GREB1L: variants seen among roughly 807,000 people sequenced by gnomAD.
GREB1L encodes the protein GREB1 like retinoic acid receptor coactivator, also known as GREB1-like protein.
A neutral mutation model predicts 200.8 loss-of-function variants in GREB1L; 17 were observed. That is an observed-to-expected ratio of 0.08 (90% CI 0.06 to 0.13). The LOEUF is 0.13. GREB1L is among the 10% of genes least tolerant of loss of function. The probability of loss-of-function intolerance (pLI) is 1.00; values close to 1 mark genes in which losing one functional copy is unlikely to be tolerated. For missense variants in GREB1L, 1,657 were observed against 2,367.7 expected (o/e 0.70, Z 6.23); for synonymous variants, 789 against 893.0 (o/e 0.88, Z 2.08).
intron 23 of GREB1L, among the ~76,000 whole-genome samples, chr18:21,501,884 G>A (rs1005839232): frequency 1.3e-5 from 2 of 152,316 alleles, no homozygotes; most frequent in African/African-American, 4.8e-5. Context: ...GGAAGCCAGT[G>A]GGCATACCAA....
chr18:21,269,103 G>T, intron 1 of GREB1L, among the ~76,000 whole-genome samples: 1 of 152,258 alleles, frequency 6.6e-6, no homozygotes, highest in African/African-American at 2.4e-5. Context: ...TTATTAATAC[G>T]TGTACTGTAA....
chr18:21,338,857 C>T lies in GREB1L; in HGVS notation c.-119-27170C>T, dbSNP rs138733386. ...TATAAAGGAGAGTGAGGATCATGTC[C>T]GTGGATCAAAAATTATCAGTCTGAG... On this transcript the variant is annotated intron_variant, in intron 1 of 32. Transcript: ENST00000424526. 1.1e-3 allele frequency among the ~76,000 whole-genome samples: 164 copies of T among 152,242 alleles called. No homozygotes were observed. In the Middle Eastern group the frequency reaches 0.014, roughly 13 times the overall value.
intron 21 of GREB1L, among the ~76,000 whole-genome samples, chr18:21,498,872 T>C (rs1372920354): frequency 6.6e-6 from 1 of 152,086 alleles, no homozygotes; most frequent in Admixed American, 6.6e-5. Context: ...TCATTCAGGA[T>C]CTCCCAAGGT....
intron 25 of GREB1L, 61 bp downstream of exon 25, chr18:21,506,010 G>A: frequency 3.4e-6 from 5 of 1,453,918 alleles, no homozygotes; most frequent in Admixed American, 5.0e-5. Flanking sequence ...ATGTAAGGGT[G>A]GGGGGTGGAG....
intron 1 of GREB1L, among the ~76,000 whole-genome samples, chr18:21,309,150 A>C (rs192764158): frequency 1.3e-5 from 2 of 152,218 alleles, no homozygotes; most frequent in South Asian, 4.1e-4. Context: ...AGACTGGGAC[A>C]TTGTCTTTAA....
intron 5 of GREB1L, among the ~76,000 whole-genome samples, chr18:21,400,322 G>A (rs2041266078): frequency 6.6e-6 from 1 of 152,122 alleles, no homozygotes. Context: ...TGATTTGTCT[G>A]AGTGAGGAAT....
At chr18:21,355,978 GCTT>G in intron 1 of GREB1L, among the ~76,000 whole-genome samples, 1 of 146,758 alleles carries the variant, frequency 6.8e-6, no homozygotes, top group South Asian at 2.2e-4. Flanking sequence ...AAATAATTAG[GCTT>G]CTTTTTTTTT....
chr18:21,494,338 T>A (rs2036460884), intron 19 of GREB1L, among the ~76,000 whole-genome samples: 1 of 152,214 alleles, frequency 6.6e-6, no homozygotes, highest in Admixed American at 6.5e-5. Flanking sequence ...TTTTACAAAT[T>A]ATAGAAATTT....
At chr18:21,298,941 G>A (rs181373635) in intron 1 of GREB1L, among the ~76,000 whole-genome samples, 5 of 152,110 alleles carry the variant, frequency 3.3e-5, no homozygotes, top group African/African-American at 1.2e-4. Flanking sequence ...TCTCTGGGGA[G>A]GGGGTTGAGG....
At chr18:21,262,365 C>A (rs2037902863) in intron 1 of GREB1L, among the ~76,000 whole-genome samples, 1 of 152,074 alleles carries the variant, frequency 6.6e-6, no homozygotes, top group Non-Finnish European at 1.5e-5. Context: ...AACTAGAATT[C>A]TTTCTCTGTT....
intron 5 of GREB1L, among the ~76,000 whole-genome samples, chr18:21,397,679 C>G (rs1206660139): frequency 1.3e-5 from 2 of 151,830 alleles, no homozygotes; most frequent in African/African-American, 2.4e-5. Context: ...CTAGGCTGGG[C>G]GACAGAGTGA....
intron 1 of GREB1L, among the ~76,000 whole-genome samples, chr18:21,274,770 C>T (rs2038134934): frequency 6.6e-6 from 1 of 151,762 alleles, no homozygotes; most frequent in African/African-American, 2.4e-5. Flanking sequence ...ACCCATAGTC[C>T]CAGCTGCTTG....
In GREB1L at chr18:21,496,121, G is replaced by C. The variant is rs370464157; in HGVS notation, c.3147-333G>C. Among the ~76,000 whole-genome samples, 51 of 152,224 alleles carry C rather than the reference G, an allele frequency of 3.4e-4. No homozygotes were observed. The Middle Eastern group carries it at 0.024, about 71-fold the overall frequency. On this transcript the variant is annotated intron_variant, in intron 20 of 32. Coordinates refer to ENST00000424526, the MANE Select transcript of GREB1L (RefSeq NM_001142966.3). ...TCAAGGATCTAGACTCCATAGACTG[G>C]AGGGCAACAACAACATCAACAATAA...
chr18:21,498,841 T>C (rs1275232011), intron 21 of GREB1L, among the ~76,000 whole-genome samples: 1 of 152,174 alleles, frequency 6.6e-6, no homozygotes, highest in Non-Finnish European at 1.5e-5. Flanking sequence ...CGGGTTTTAA[T>C]CATGTCTTGT....
chr18:21,277,963 C>T (rs2144384244), intron 1 of GREB1L, among the ~76,000 whole-genome samples: 1 of 152,310 alleles, frequency 6.6e-6, no homozygotes, highest in South Asian at 2.1e-4. Flanking sequence ...GTTCTCCTTA[C>T]TCTAGGGCCT....
intron 23 of GREB1L, among the ~76,000 whole-genome samples, chr18:21,503,458 G>A (rs1031445794): frequency 1.5e-4 from 23 of 151,908 alleles, no homozygotes; most frequent in Admixed American, 5.9e-4. Context: ...CACCCACCTC[G>A]GCCTCCCAAA....
chr18:21,375,541 A>AT (rs542761324), intron 2 of GREB1L, among the ~76,000 whole-genome samples: 11 of 151,948 alleles, frequency 7.2e-5, no homozygotes, highest in African/African-American at 2.7e-4. Flanking sequence ...TTCTTTTCTG[A>AT]TTTTTTTCTT....
At chr18:21,420,408 A>G (rs889918226) in intron 7 of GREB1L, among the ~76,000 whole-genome samples, 1 of 152,006 alleles carries the variant, frequency 6.6e-6, no homozygotes, top group Admixed American at 6.6e-5. Flanking sequence ...GCCACAGGAT[A>G]GGAGAAAAAT....
At chr18:21,281,037 C>A (rs1239233321) in intron 1 of GREB1L, among the ~76,000 whole-genome samples, 1 of 152,156 alleles carries the variant, frequency 6.6e-6, no homozygotes, top group African/African-American at 2.4e-5. Flanking sequence ...CCCTTGTTTG[C>A]AGAATGGCAC....
Sources: allele counts gnomAD v4.1 joint callset (sites outside exome capture counted in the v4.1 genomes callset), GRCh38; gene constraint gnomAD v4.1.1; transcripts MANE v1.5; gene names NCBI Gene and HGNC (gene_info 2026-07-23, HGNC 2026-07-21).